Variants in TTN observed in about 807,000 individuals in gnomAD.
TTN encodes connectin.
A neutral mutation model predicts 3,223.0 loss-of-function variants in TTN; 1,525 were observed. The ratio of observed to expected loss-of-function variants is 0.47; its 90% CI spans 0.45 to 0.49. TTN has a LOEUF of 0.49. TTN is among the 20% of genes least tolerant of loss of function. TTN has a pLI of 0.00. For missense variants in TTN, 40,786 were observed against 43,424.0 expected, an observed-to-expected ratio of 0.94 and a Z score of 5.40; for synonymous variants, 14,094 against 15,161.0, an observed-to-expected ratio of 0.93 and a Z score of 5.17.
At position 178,620,603 on chromosome 2, in the gene TTN, C is replaced by G. The variant is rs761792062; in HGVS notation, c.45918G>C (p.Glu15306Asp). 1.1e-5 allele frequency: 18 copies of G among 1,609,248 alleles called. No homozygotes were observed. Among genetic ancestry groups the G allele is most frequent in the Non-Finnish European group, 1.5e-5 (18 of 1,177,970 alleles). ...CCATTGTTTCAATATCTTTAAGAGG[C>G]TCAACAATCCTAAGGTCTTCCTCTG... ...IVEEEDLRIV[E>D]PLKDIETMEK... The change falls in exon 248 of 363, where the codon GAG becomes GAC. Residue 15306 changes from glutamate (E) to aspartate (D), a missense_variant. Glu to Asp is a conservative substitution (Grantham distance 45). Coordinates refer to ENST00000589042, the MANE Select transcript of TTN (RefSeq NM_001267550.2).
chr2:178,541,248 C>T (rs2154141461), intron 350 of TTN, 34 bp downstream of exon 350: 1 of 1,435,754 alleles, frequency 7.0e-7, no homozygotes, highest in Non-Finnish European at 9.2e-7. Flanking sequence ...TAAATTGTAA[C>T]TCAATCAATT....
rs2047904068 is a variant in TTN at position 178,582,073 on chromosome 2, G to A, written c.66296C>T (p.Ala22099Val). 3.7e-6 allele frequency: 6 copies of A among 1,613,120 alleles called. No individual in the cohort carries two copies. The change falls in exon 315 of 363, where the codon GCT becomes GTT. Residue 22099 changes from alanine (A) to valine (V), a missense_variant. Transcript: ENST00000589042. ...GYLLEKRETQ[A>V]VNWTKVNRKP... is the part of the protein sequence containing the mutation. ...TCTGTTGACCTTAGTCCAGTTAACA[G>A]CCTGGGTTTCCCGCTTTTCAAGCAA...
Position 178,571,908 on chromosome 2 carries a change from G to A in TTN, c.74224C>T (p.Arg24742Cys), listed in dbSNP as rs369489704. ...DLKVDVPFIG[R>C]PTPAVTWHKD... The stretch of plus-strand genomic sequence containing the variant: ...TGCCAGGTTACAGCTGGGGTAGGGC[G>A]GCCAATGAATGGAACATCAACTTTT... Residue 24742 changes from arginine to cysteine, a missense_variant, in exon 326 of 363, where the codon CGC (arginine) becomes TGC (cysteine). Transcript: ENST00000589042. The A allele has an allele frequency of 1.5e-5, 25 of 1,613,128 alleles. No homozygotes were observed. Among genetic ancestry groups the A allele is most frequent in the South Asian group, 7.7e-5 (7 of 91,050 alleles).
At position 178,698,875 on chromosome 2, in the gene TTN, A is replaced by G. The variant is rs1377073501; in HGVS notation, c.30722T>C (p.Val10241Ala). The G allele has an allele frequency of 1.3e-6, 2 of 1,542,178 alleles. No individual in the cohort carries two copies. The highest frequency in any genetic ancestry group is 4.9e-5 in the East Asian group (2 of 41,194). The change falls in exon 112 of 363, where the codon GTT (valine) becomes GCT (alanine). Residue 10241 changes from valine (V) to alanine (A), a missense_variant. Coordinates refer to ENST00000589042, the MANE Select transcript of TTN (RefSeq NM_001267550.2). The part of the protein sequence containing the change: ...KAVKKDAKKV[V>A]AKPKEMTPRE... Reference sequence around the variant, plus strand: ...TGGTGTCATCTCTTTGGGCTTTGCAACAACTTTTTTGGCATCTTTCTTCAC... The same window carrying G: ...TGGTGTCATCTCTTTGGGCTTTGCAGCAACTTTTTTGGCATCTTTCTTCAC...
rs1423126804 is a variant in TTN, at chr2:178,776,259, GA to G, written c.5604del (p.Gln1869SerfsTer42). 6.2e-7 allele frequency: 1 copy of G among 1,614,050 alleles called. No homozygotes were observed. Among genetic ancestry groups the G allele is most frequent in the Non-Finnish European group, 8.5e-7 (1 of 1,180,018 alleles). Reference sequence around the variant, plus strand: ...TTGAGGTACCAGTTGACTTTGGGCTGAGGGTAGCCTGTTACCCTGCAGCGGA... The same window carrying G: ...TTGAGGTACCAGTTGACTTTGGGCTGGGGTAGCCTGTTACCCTGCAGCGGA... ...ARFRCRVTGY[P>X]QPKVNWYLNG... On this transcript the variant is annotated frameshift_variant, in exon 28 of 363. Coordinates refer to ENST00000589042, the MANE Select transcript of TTN (RefSeq NM_001267550.2). LOFTEE classifies it high-confidence loss of function.
Position 178,557,161 on chromosome 2 carries a change from A to G in TTN, c.88010-17T>C, listed in dbSNP as rs1168301953. ...TTGGGGGTTCTGTGGTAATAAGAGA[A>G]GCAGATTAGCGGCACTTATAATATT... On this transcript the variant is annotated splice_polypyrimidine_tract_variant and intron_variant, in intron 329 of 362. Transcript: ENST00000589042. 2 of 1,612,954 alleles carry G rather than the reference A, an allele frequency of 1.2e-6. No homozygotes were observed. The highest frequency in any genetic ancestry group is 8.5e-7 in the Non-Finnish European group (1 of 1,179,584).
In TTN at chr2:178,658,130, T is replaced by C; in HGVS notation, c.37739A>G (p.Glu12580Gly). Residue 12580 changes from glutamate to glycine, a missense_variant, in exon 186 of 363, where the codon GAA (glutamate) becomes GGA (glycine). Coordinates refer to ENST00000589042, the MANE Select transcript of TTN (RefSeq NM_001267550.2). ...GGGTGGAGCCACGGGAATTTCTTTT[T>C]CTGCGGCTTCTTGAGGAACTTCTGG... ...TVPEVPQEAA[E>G]KEIPVAPPKK... The C allele has an allele frequency of 1.9e-6, 3 of 1,578,854 alleles. No homozygotes were observed. Among genetic ancestry groups the C allele is most frequent in the East Asian group, 2.2e-5 (1 of 44,708 alleles).
chr2:178,581,695 A>T lies in TTN; in HGVS notation c.66573T>A (p.Tyr22191Ter). The T allele has an allele frequency of 6.2e-7, 1 of 1,612,116 alleles. No individual in the cohort carries two copies. The highest frequency in any genetic ancestry group is 8.5e-7 in the Non-Finnish European group (1 of 1,179,030). Reference protein sequence around the residue: ...AYDGGSPIIGYLVEVKRADSD... With the variant: ...AYDGGSPIIG ...AGTCAGCCCGTTTTACTTCAACGAG[A>T]TAACCAATGATAGGGCTGCCGCCGT... The change falls in exon 316 of 363, where the codon TAT (tyrosine) becomes TAA (stop). Residue 22191 changes from tyrosine (Y) to a stop codon, truncating the protein, a stop_gained. Coordinates refer to ENST00000589042, the MANE Select transcript of TTN (RefSeq NM_001267550.2). LOFTEE classifies it high-confidence loss of function.
chr2:178,778,818 T>C lies in TTN; in HGVS notation c.4208+56A>G, dbSNP rs56180285. ...TTACACAATAGCAATTTGCTACTAT[T>C]TGATGTTTTGAAAACAATTTACATA... On this transcript the variant is annotated intron_variant, in intron 24 of 362. Coordinates refer to ENST00000589042, the MANE Select transcript of TTN (RefSeq NM_001267550.2). 11,231 of 1,611,164 alleles carry C rather than the reference T, an allele frequency of 7.0e-3. 690 individuals carry two copies. In the African/African-American group the frequency reaches 0.13, roughly 19 times the overall value.
Position 178,634,518 on chromosome 2 carries a change from C to T in TTN, c.42263G>A (p.Gly14088Glu), listed in dbSNP as rs2060182595. Residue 14088 changes from glycine to glutamate, a missense_variant, in exon 230 of 363, where the codon GGA becomes GAA. Physicochemically the swap from Gly to Glu is moderately conservative, Grantham distance 98. Transcript: ENST00000589042. This position sits in a 1 kb window ranked among gnomAD's most constrained non-coding sequence, Gnocchi z 4.6. ...GTCAGATGACTTAATTATATCAGGT[C>T]CTTTGGACCATATAACATTTGCCTC... ...TREANVIWSK[G>E]PDIIKSSDKF... The T allele has an allele frequency of 6.2e-7, 1 of 1,613,276 alleles. No homozygotes were observed. The highest frequency in any genetic ancestry group is 2.2e-5 in the East Asian group (1 of 44,796).
rs903657414 is a variant in TTN at position 178,689,361 on chromosome 2, G to A, written c.31940C>T (p.Pro10647Leu). 19 of 1,613,484 alleles carry A rather than the reference G, an allele frequency of 1.2e-5. No individual in the cohort carries two copies. The highest frequency in any genetic ancestry group is 1.4e-5 in the Non-Finnish European group (16 of 1,179,778). ...CCTTTCTTCAGGAACTTTCTTCTTTGGTATTTCTGGCACTTAAAGGATAGT... is the reference window on the plus strand; with the variant it reads ...CCTTTCTTCAGGAACTTTCTTCTTTAGTATTTCTGGCACTTAAAGGATAGT... ...ESPPPAVPEI[P>L]KKKVPEERKP... Residue 10647 changes from proline to leucine, a missense_variant, in exon 124 of 363, where the codon CCA becomes CTA. Coordinates refer to ENST00000589042, the MANE Select transcript of TTN (RefSeq NM_001267550.2).
chr2:178,735,413 A>C lies in TTN; in HGVS notation c.14935+98T>G. 4 of 1,162,594 alleles carry C rather than the reference A, an allele frequency of 3.4e-6. No individual in the cohort carries two copies. The South Asian group carries it at 7.9e-5, about 23-fold the overall frequency. 72.0% of individuals were successfully genotyped at this position (1,162,594 alleles called of 1,614,324 possible). On this transcript the variant is annotated intron_variant, in intron 50 of 362. Coordinates refer to ENST00000589042, the MANE Select transcript of TTN (RefSeq NM_001267550.2). Reference sequence around the variant, plus strand: ...AATGTTTGCTGAATGACATTATTTTAATAACAAAGTGTACTGACTGAATTG... The same window carrying C: ...AATGTTTGCTGAATGACATTATTTTCATAACAAAGTGTACTGACTGAATTG...
Position 178,771,280 on chromosome 2 carries a change from A to C in TTN, c.8047T>G (p.Leu2683Val), listed in dbSNP as rs761118672. The C allele has an allele frequency of 1.2e-6, 2 of 1,613,960 alleles. No homozygotes were observed. ...KRRLIIAATK[L>V]DDIGEYTYKV... The stretch of plus-strand genomic sequence containing the variant: ...TAGGTATATTCTCCAATGTCATCTA[A>C]TTTGGTGGCAGCAATGATAAGTCTC... The change falls in exon 34 of 363, where the codon TTA becomes GTA. Residue 2683 changes from leucine (L) to valine (V), a missense_variant. Leu to Val is a conservative substitution (Grantham distance 32). Transcript: ENST00000589042.
At chr2:178,582,856 C>T in intron 313 of TTN, 84 bp downstream of exon 313, 1 of 1,180,468 alleles carries the variant, frequency 8.5e-7, no homozygotes, top group Non-Finnish European at 1.1e-6. Context: ...ATATGAATGT[C>T]TTCTCCCACA....
Position 178,725,978 on chromosome 2 carries a change from A to G in TTN, c.20344T>C (p.Cys6782Arg), listed in dbSNP as rs748769034. Residue 6782 changes from cysteine (C) to arginine (R), a missense_variant, in exon 70 of 363, where the codon TGT (cysteine) becomes CGT (arginine). By Grantham distance (180) the Cys-to-Arg change is radical. Coordinates refer to ENST00000589042, the MANE Select transcript of TTN (RefSeq NM_001267550.2). Reference sequence around the variant, plus strand: ...AACGGTGGTGTTCCCGAAAGTTCACATTCAAGACTGACTTCAGCATTTTTA... The same window carrying G: ...AACGGTGGTGTTCCCGAAAGTTCACGTTCAAGACTGACTTCAGCATTTTTA... ...TLKNAEVSLE[C>R]ELSGTPPFEV... is the part of the protein sequence containing the mutation. 6.2e-7 allele frequency: 1 copy of G among 1,609,670 alleles called. No homozygotes were observed. Among genetic ancestry groups the G allele is most frequent in the East Asian group, 2.2e-5 (1 of 44,694 alleles).
intron 310 of TTN, 42 bp from the exon 311 acceptor site, chr2:178,584,620 TAACA>T: frequency 1.2e-6 from 2 of 1,610,304 alleles, no homozygotes; most frequent in South Asian, 2.2e-5. Flanking sequence ...CTACATTAAG[TAACA>T]AACTAGAAAG....
chr2:178,607,668 G>A lies in TTN; in HGVS notation c.53020C>T (p.Leu17674=). 6.2e-7 allele frequency: 1 copy of A among 1,612,900 alleles called. No homozygotes were observed. Among genetic ancestry groups the A allele is most frequent in the Non-Finnish European group, 8.5e-7 (1 of 1,179,348 alleles). ...AEPQEPPAVE[L]DVSVKGGIQI... Reference sequence around the variant, plus strand: ...ATTCCACCCTTGACAGAAACATCCAGTTCCACAGCTGGAGGCTCTGTTGAA... The same window carrying A: ...ATTCCACCCTTGACAGAAACATCCAATTCCACAGCTGGAGGCTCTGTTGAA... Residue 17674 remains leucine (L), a synonymous_variant, in exon 277 of 363, where the codon CTG becomes TTG. Coordinates refer to ENST00000589042, the MANE Select transcript of TTN (RefSeq NM_001267550.2).
Position 178,602,504 on chromosome 2 carries a change from C to T in TTN, c.54898G>A (p.Gly18300Ser). Residue 18300 changes from glycine (G) to serine (S), a missense_variant, in exon 283 of 363, where the codon GGT becomes AGT. By Grantham distance (56) the Gly-to-Ser change is moderately conservative. Coordinates refer to ENST00000589042, the MANE Select transcript of TTN (RefSeq NM_001267550.2). ...SLGWKPPAKDGGSPIKGYIVE... is the reference protein window; with the variant it reads ...SLGWKPPAKDSGSPIKGYIVE... ...ATGTATCCTTTGATTGGGCTGCCAC[C>T]ATCTTTGGCTGGAGGTTTCCATCCT... 1 of 1,610,428 alleles carries T rather than the reference C, an allele frequency of 6.2e-7. No individual in the cohort carries two copies. The highest frequency in any genetic ancestry group is 2.2e-5 in the East Asian group (1 of 44,466).
Position 178,651,702 on chromosome 2 carries a change from C to T in TTN, c.39427G>A (p.Val13143Ile), listed in dbSNP as rs375956503. The change falls in exon 206 of 363, where the codon GTC becomes ATC. Residue 13143 changes from valine (V) to isoleucine (I), a missense_variant. By Grantham distance (29) the Val-to-Ile change is conservative. Transcript: ENST00000589042. ...KPVPEKKAPA[V>I]VAKKPELPPV... Reference sequence around the variant, plus strand: ...GGTAGTTCAGGTTTTTTGGCAACGACAGCAGGTGCTTTCTTTTCTGGGACA... The same window carrying T: ...GGTAGTTCAGGTTTTTTGGCAACGATAGCAGGTGCTTTCTTTTCTGGGACA... 1.0e-4 allele frequency: 164 copies of T among 1,613,180 alleles called. No homozygotes were observed. The highest frequency in any genetic ancestry group is 1.3e-4 in the Non-Finnish European group (154 of 1,179,568).
Sources: gnomAD v4.1 joint callset for allele counts on GRCh38, gnomAD v4.1.1 for gene constraint, Gnocchi (gnomAD v3.1) non-coding constraint, MANE v1.5 for transcripts, NCBI Gene and HGNC (gene_info 2026-07-23, HGNC 2026-07-21) for gene names.